The following LAMA2 variants were observed in gnomAD, a reference collection of about 807,000 sequenced individuals.
LAMA2 encodes laminin subunit alpha-2.
A neutral mutation model predicts 364.8 loss-of-function variants in LAMA2; 269 were observed. The ratio of observed to expected loss-of-function variants is 0.74; its 90% confidence interval spans 0.67 to 0.82. The LOEUF (loss-of-function observed/expected upper bound fraction) is 0.82. Ranked by LOEUF, LAMA2 falls within the 40% of genes least tolerant of loss-of-function variation. The pLI is 0.00. For synonymous variants in LAMA2, 1,379 were observed against 1,370.6 expected (o/e 1.01, Z -0.14); for missense variants, 3,807 against 3,873.2 (o/e 0.98, Z 0.45).
At chr6:129,389,445 G>T (rs576247801) in intron 35 of LAMA2, among the ~76,000 whole-genome samples, 1 of 152,280 alleles carries the variant, frequency 6.6e-6, no homozygotes, top group Admixed American at 6.5e-5. Context: ...CCTTGTTATA[G>T]TTTCATGTGG....
In LAMA2 at chr6:129,005,947, C is replaced by T. The variant is rs566886908; in HGVS notation, c.113-43971C>T. Among the ~76,000 whole-genome samples the T allele has an allele frequency of 2.0e-5, 3 of 151,694 alleles. No individual in the cohort carries two copies. The South Asian group carries it at 6.2e-4, about 32-fold the overall frequency. On this transcript the variant is annotated intron_variant, in intron 1 of 64. Coordinates refer to ENST00000421865, the MANE Select transcript of LAMA2 (RefSeq NM_000426.4). ...TAATTAATATTTTGAAGTTTTCTCT[C>T]TTGTTTTCCTTCTTGTTTGGAATGA...
chr6:129,273,207 G>A (rs1290407874), intron 17 of LAMA2, among the ~76,000 whole-genome samples: 1 of 152,152 alleles, frequency 6.6e-6, no homozygotes, highest in Non-Finnish European at 1.5e-5. Flanking sequence ...CCTGCACTTT[G>A]GTATATATGC....
intron 1 of LAMA2, among the ~76,000 whole-genome samples, chr6:128,911,859 C>A (rs1011897685): frequency 2.6e-5 from 4 of 152,236 alleles, no homozygotes; most frequent in African/African-American, 9.6e-5. Flanking sequence ...TGATTAGTTT[C>A]ATCTGTCTTA....
chr6:128,901,150 T>C (rs4551190), intron 1 of LAMA2, among the ~76,000 whole-genome samples: 60,919 of 152,074 alleles, frequency 0.4, 15,531 homozygotes, highest in African/African-American at 0.73. Flanking sequence ...GAGCAAGACC[T>C]TATCTAGGAA....
chr6:129,147,338 C>T (rs997114794), intron 6 of LAMA2, among the ~76,000 whole-genome samples: 1 of 150,068 alleles, frequency 6.7e-6, no homozygotes, highest in African/African-American at 2.5e-5. Flanking sequence ...CAGCCTGCCT[C>T]ATGATATAGC....
intron 10 of LAMA2, among the ~76,000 whole-genome samples, chr6:129,183,307 G>A (rs1479825644): frequency 6.6e-6 from 1 of 151,914 alleles, no homozygotes; most frequent in African/African-American, 2.4e-5. Flanking sequence ...CAGTTGGTAT[G>A]TAGAATCTCA....
At chr6:129,205,986 G>A (rs765744306) in intron 12 of LAMA2, among the ~76,000 whole-genome samples, 3 of 150,452 alleles carry the variant, frequency 2.0e-5, no homozygotes, top group Non-Finnish European at 3.0e-5. Flanking sequence ...TTGTGCCACT[G>A]CACTCCAGCC....
chr6:128,884,051 A>C (rs2114361546), intron 1 of LAMA2, among the ~76,000 whole-genome samples: 1 of 152,204 alleles, frequency 6.6e-6, no homozygotes, highest in African/African-American at 2.4e-5. Flanking sequence ...TGTCATGTGT[A>C]CTTTAAGGCC....
chr6:129,196,407 T>C (rs1209532804), intron 12 of LAMA2, among the ~76,000 whole-genome samples: 1 of 152,202 alleles, frequency 6.6e-6, no homozygotes, highest in Non-Finnish European at 1.5e-5. Context: ...TACCTTGTAA[T>C]TGATGCTACA....
intron 1 of LAMA2, among the ~76,000 whole-genome samples, chr6:128,930,650 A>G (rs1250819878): frequency 6.6e-6 from 1 of 152,170 alleles, no homozygotes; most frequent in Non-Finnish European, 1.5e-5. Flanking sequence ...TGGAGTCTGC[A>G]GTTATACAGC....
intron 12 of LAMA2, among the ~76,000 whole-genome samples, chr6:129,213,717 A>G (rs1467026551): frequency 1.3e-5 from 2 of 151,982 alleles, no homozygotes. Context: ...TTTTAAATTT[A>G]TTTTCTTGTT....
At chr6:129,456,106 C>G (rs1782949226) in intron 47 of LAMA2, among the ~76,000 whole-genome samples, 1 of 152,148 alleles carries the variant, frequency 6.6e-6, no homozygotes, top group Non-Finnish European at 1.5e-5. Context: ...CTGGTGCTCA[C>G]TGGTTCTGGT....
At chr6:128,991,297 G>A (rs528060106) in intron 1 of LAMA2, among the ~76,000 whole-genome samples, 15 of 152,178 alleles carry the variant, frequency 9.9e-5, no homozygotes, top group African/African-American at 3.6e-4. Flanking sequence ...AACTGACACA[G>A]TCCTTTTTCC....
intron 1 of LAMA2, among the ~76,000 whole-genome samples, chr6:129,017,457 G>A (rs1389322688): frequency 6.9e-6 from 1 of 145,250 alleles, no homozygotes; most frequent in Non-Finnish European, 1.5e-5. Flanking sequence ...TATTGAAAAA[G>A]TGTATTATGG....
chr6:129,072,754 T>C (rs1773400826), intron 3 of LAMA2, among the ~76,000 whole-genome samples: 1 of 152,098 alleles, frequency 6.6e-6, no homozygotes, highest in African/African-American at 2.4e-5. Flanking sequence ...ACCATAAATA[T>C]GGTAACTTGC....
chr6:129,199,881 C>T (rs1479479911), intron 12 of LAMA2, among the ~76,000 whole-genome samples: 1 of 151,892 alleles, frequency 6.6e-6, no homozygotes, highest in Non-Finnish European at 1.5e-5. Flanking sequence ...AAGTTCGAGA[C>T]CACCCTGGCC....
intron 35 of LAMA2, among the ~76,000 whole-genome samples, chr6:129,386,178 ATAAG>A (rs1365289067): frequency 1.3e-5 from 2 of 152,130 alleles, no homozygotes; most frequent in African/African-American, 2.4e-5. Context: ...TTGGAAATAA[ATAAG>A]TAAATTCCAA....
intron 3 of LAMA2, among the ~76,000 whole-genome samples, chr6:129,086,367 A>T (rs1396835348): frequency 6.6e-6 from 1 of 152,246 alleles, no homozygotes; most frequent in Non-Finnish European, 1.5e-5. Flanking sequence ...TATACAAGAC[A>T]TTAACAGACA....
At chr6:129,277,242 C>T (rs942605350) in intron 17 of LAMA2, among the ~76,000 whole-genome samples, 1 of 152,190 alleles carries the variant, frequency 6.6e-6, no homozygotes. Flanking sequence ...ATGATGATCT[C>T]ACAATTTCCT....
Sources: allele counts gnomAD v4.1 joint callset (sites outside exome capture counted in the v4.1 genomes callset), GRCh38; gene constraint gnomAD v4.1.1; transcripts MANE v1.5; gene names NCBI Gene and HGNC (gene_info 2026-07-23, HGNC 2026-07-21).